The following TAX1BP1 variants were observed in gnomAD, a reference collection of about 807,000 sequenced individuals.
The protein encoded by TAX1BP1 is Tax1 binding protein 1.
In TAX1BP1, 62 loss-of-function variants were observed where a neutral mutation model predicts 97.7. The observed-to-expected ratio is 0.63, with a 90% CI of 0.52 to 0.78. The LOEUF is 0.78. Among genes scored for constraint, TAX1BP1 ranks in the 30% least tolerant of loss-of-function variants. The pLI is 0.00. For synonymous variants in TAX1BP1, 340 were observed against 304.2 expected (o/e 1.12, Z -1.23); for missense variants, 867 against 916.1 (o/e 0.95, Z 0.69).
In TAX1BP1 at chr7:27,828,878, A is replaced by C. The variant is rs766269628; in HGVS notation, c.*49A>C. 4.7e-6 allele frequency: 7 copies of C among 1,485,214 alleles called. No individual in the cohort carries two copies. In the Admixed American group the frequency reaches 1.3e-4, roughly 27 times the overall value. The allele number at this position is 1,485,214 out of a possible 1,614,324, so 92.0% of individuals were successfully genotyped here. On this transcript the variant is annotated 3_prime_UTR_variant, in exon 17 of 17. Coordinates refer to ENST00000396319, the MANE Select transcript of TAX1BP1 (RefSeq NM_006024.7). ...TAGTTTAGCAGTAAAAAAAAAAAAA[A>C]AAACCACACCTAAAATAGACCACTG...
intron 1 of TAX1BP1, among the ~76,000 whole-genome samples, chr7:27,746,653 T>C (rs1416016641): frequency 6.6e-6 from 1 of 152,150 alleles, no homozygotes; most frequent in Non-Finnish European, 1.5e-5. Flanking sequence ...TTCCATGAAA[T>C]ATGGTTGCTG....
chr7:27,824,845 T>TA (rs1791112672), intron 15 of TAX1BP1, among the ~76,000 whole-genome samples: 4 of 152,162 alleles, frequency 2.6e-5, no homozygotes, highest in African/African-American at 4.8e-5. Context: ...AGGTATTTCT[T>TA]AAAATTTGGA....
chr7:27,823,455 A>G (rs1194613121), intron 15 of TAX1BP1, among the ~76,000 whole-genome samples: 1 of 152,220 alleles, frequency 6.6e-6, no homozygotes, highest in African/African-American at 2.4e-5. Context: ...CTGAATGATA[A>G]CTAAATATTT....
Position 27,752,078 on chromosome 7 carries a change from T to C in TAX1BP1, c.162+3392T>C, listed in dbSNP as rs972395316. Among the ~76,000 whole-genome samples, 28 of 152,330 alleles carry C rather than the reference T, an allele frequency of 1.8e-4. 1 individual carries two copies. In the Middle Eastern group the frequency reaches 0.01, roughly 56 times the overall value. ...AGTTTAGAAGTGAAGCTTAATCTTA[T>C]AGTGCTGAGTAAGATAAATTGGAAT... On this transcript the variant is annotated intron_variant, in intron 2 of 16. Transcript: ENST00000396319.
intron 1 of TAX1BP1, among the ~76,000 whole-genome samples, chr7:27,743,747 A>T: frequency 6.7e-6 from 1 of 150,076 alleles, no homozygotes; most frequent in Non-Finnish European, 1.5e-5. Context: ...CATTTCACTT[A>T]CAGTTAGTTT....
At chr7:27,741,445 CTGAT>C (rs1249464521) in intron 1 of TAX1BP1, among the ~76,000 whole-genome samples, 2 of 151,618 alleles carry the variant, frequency 1.3e-5, no homozygotes, top group South Asian at 4.2e-4. Context: ...ATTTTTCAAA[CTGAT>C]TGTTCAACTT....
intron 5 of TAX1BP1, among the ~76,000 whole-genome samples, chr7:27,778,189 A>T (rs1658213199): frequency 2.0e-5 from 3 of 152,234 alleles, no homozygotes; most frequent in Non-Finnish European, 2.9e-5. Flanking sequence ...TGTTGGAATG[A>T]AAAATGTACA....
intron 13 of TAX1BP1, among the ~76,000 whole-genome samples, chr7:27,803,817 T>G (rs562685168): frequency 1.1e-4 from 17 of 152,220 alleles, no homozygotes; most frequent in South Asian, 4.1e-4. Flanking sequence ...GTTCTTTTGT[T>G]GCCTAATGAA....
At position 27,785,276 on chromosome 7, in the gene TAX1BP1, A is replaced by G. The variant is rs1160908129; in HGVS notation, c.726A>G (p.Thr242=). The G allele has an allele frequency of 6.2e-7, 1 of 1,611,618 alleles. No homozygotes were observed. The highest frequency in any genetic ancestry group is 8.5e-7 in the Non-Finnish European group (1 of 1,179,112). ...TTGAGGAAGATATTGTGTCAGTAAC[A>G]CATAAAGCAATTGAAAAAGAAACCG... ...HQLEEDIVSV[T]HKAIEKETEL... is the part of the protein sequence containing the mutation. The change falls in exon 6 of 17, where the codon ACA becomes ACG. Residue 242 remains threonine (T), a synonymous_variant. Transcript: ENST00000396319.
chr7:27,741,252 C>G (rs1787585946), intron 1 of TAX1BP1, among the ~76,000 whole-genome samples: 1 of 152,200 alleles, frequency 6.6e-6, no homozygotes, highest in Admixed American at 6.5e-5. Context: ...AAGTTTGGTG[C>G]TCAATTCCTA....
At chr7:27,767,756 T>C (rs1788695437) in intron 4 of TAX1BP1, among the ~76,000 whole-genome samples, 1 of 152,130 alleles carries the variant, frequency 6.6e-6, no homozygotes, top group African/African-American at 2.4e-5. Flanking sequence ...TTTCTTCAAG[T>C]AGATTGAGAC....
intron 13 of TAX1BP1, among the ~76,000 whole-genome samples, chr7:27,812,005 G>C (rs1173665997): frequency 6.6e-6 from 1 of 152,228 alleles, no homozygotes; most frequent in African/African-American, 2.4e-5. Flanking sequence ...TTTTTCTTGA[G>C]TAGATACCTA....
intron 11 of TAX1BP1, among the ~76,000 whole-genome samples, chr7:27,795,808 C>T (rs1366933156): frequency 6.6e-6 from 1 of 152,132 alleles, no homozygotes; most frequent in Admixed American, 6.5e-5. Context: ...GCCTTGGCCT[C>T]CCAAAGTGCT....
At chr7:27,749,749 A>G (rs895740324) in intron 2 of TAX1BP1, among the ~76,000 whole-genome samples, 9 of 152,166 alleles carry the variant, frequency 5.9e-5, no homozygotes, top group Admixed American at 2.0e-4. Flanking sequence ...AAATGGAGAA[A>G]CATTCATTGT....
At chr7:27,782,758 G>C (rs1789310271) in intron 5 of TAX1BP1, among the ~76,000 whole-genome samples, 1 of 152,140 alleles carries the variant, frequency 6.6e-6, no homozygotes, top group African/African-American at 2.4e-5. Flanking sequence ...GTTATTTAAA[G>C]TGTTCAGGTG....
intron 13 of TAX1BP1, chr7:27,803,034 A>G (rs1479626610): frequency 2.1e-6 from 3 of 1,429,606 alleles, no homozygotes; most frequent in African/African-American, 1.4e-5. Context: ...GTAAAACAGT[A>G]TAAACCAGAT....
At chr7:27,812,140 A>G (rs1338151105) in intron 13 of TAX1BP1, among the ~76,000 whole-genome samples, 8 of 152,176 alleles carry the variant, frequency 5.3e-5, no homozygotes, top group Non-Finnish European at 7.4e-5. Flanking sequence ...CAACTGCTCC[A>G]TATCCTCACC....
intron 3 of TAX1BP1, chr7:27,758,455 A>G (rs914855278): frequency 1.2e-5 from 2 of 168,378 alleles, no homozygotes; most frequent in African/African-American, 4.8e-5. Flanking sequence ...AGAATAATGT[A>G]ACAAAAAAGA....
intron 5 of TAX1BP1, among the ~76,000 whole-genome samples, chr7:27,782,343 T>A (rs1460277800): frequency 6.6e-6 from 1 of 152,040 alleles, no homozygotes; most frequent in Non-Finnish European, 1.5e-5. Context: ...TTCAAGCAAT[T>A]CTCCTGCTTG....
Sources: allele counts gnomAD v4.1 joint callset (sites outside exome capture counted in the v4.1 genomes callset), GRCh38; gene constraint gnomAD v4.1.1; transcripts MANE v1.5; gene names NCBI Gene and HGNC (gene_info 2026-07-23, HGNC 2026-07-21).